The following SYN3 variants were observed in gnomAD, a reference collection of about 807,000 sequenced individuals.
The protein encoded by SYN3 is synapsin-3.
A neutral mutation model predicts 65.8 loss-of-function variants in SYN3; 35 were observed. The observed-to-expected ratio is 0.53, with a 90% confidence interval of 0.41 to 0.70. The LOEUF (loss-of-function observed/expected upper bound fraction) is 0.70, where lower values mean the gene tolerates loss of function less well. Ranked by LOEUF, SYN3 falls within the 30% of genes least tolerant of loss-of-function variation. The pLI is 0.00. For synonymous variants in SYN3, 270 were observed against 292.9 expected (o/e 0.92, Z 0.80); for missense variants, 680 against 749.0 (o/e 0.91, Z 1.08).
At chr22:32,691,306 T>C (rs2060658669) in intron 6 of SYN3, among the ~76,000 whole-genome samples, 1 of 152,124 alleles carries the variant, frequency 6.6e-6, no homozygotes, top group Non-Finnish European at 1.5e-5. Flanking sequence ...ATGCCACCCA[T>C]GAAGACTGAG....
intron 6 of SYN3, among the ~76,000 whole-genome samples, chr22:32,735,997 G>A (rs2061332751): frequency 6.6e-6 from 1 of 152,204 alleles, no homozygotes; most frequent in African/African-American, 2.4e-5. Context: ...GGAGAGGAGG[G>A]GGCCATGCCT....
At chr22:32,865,103 C>A in intron 5 of SYN3, 99 bp from the exon 6 acceptor site, 1 of 972,216 alleles carries the variant, frequency 1.0e-6, no homozygotes, top group Non-Finnish European at 1.6e-6. Flanking sequence ...CTGTTCTGAG[C>A]CGAGCTTCAG....
At chr22:32,857,045 C>T (rs1003623372) in intron 6 of SYN3, among the ~76,000 whole-genome samples, 1 of 152,192 alleles carries the variant, frequency 6.6e-6, no homozygotes, top group Non-Finnish European at 1.5e-5. Context: ...CAGGTTTTGT[C>T]TATCCATTCA....
At chr22:32,614,830 G>A (rs552428910) in intron 6 of SYN3, among the ~76,000 whole-genome samples, 4 of 152,198 alleles carry the variant, frequency 2.6e-5, no homozygotes, top group South Asian at 2.1e-4. Flanking sequence ...CCCCCTCCTC[G>A]GAATCCAGAA....
In SYN3 at chr22:32,978,124, A is replaced by C. The variant is rs2052262316; in HGVS notation, c.369+2521T>G. ...GAAGATCACTCTAGCGTTGGGATGA[A>C]GAATACATTGGAGATGGGTGGAAAA... On this transcript the variant is annotated intron_variant, in intron 3 of 13. Coordinates refer to ENST00000358763, the MANE Select transcript of SYN3 (RefSeq NM_003490.4). 2.0e-5 allele frequency among the ~76,000 whole-genome samples: 3 copies of C among 152,202 alleles called. No homozygotes were observed. In the South Asian group the frequency reaches 6.2e-4, roughly 32 times the overall value.
intron 1 of SYN3, among the ~76,000 whole-genome samples, chr22:33,013,465 T>C (rs151073900): frequency 3.4e-4 from 52 of 152,332 alleles, no homozygotes; most frequent in African/African-American, 1.2e-3. Context: ...TAATTATATA[T>C]ATTTCTGTGA....
chr22:32,764,437 G>A (rs540169238), intron 6 of SYN3, among the ~76,000 whole-genome samples: 22 of 152,302 alleles, frequency 1.4e-4, no homozygotes, highest in Non-Finnish European at 2.8e-4. Context: ...GAGAAAGCAA[G>A]TTTGGAAGAG....
At chr22:32,866,509 T>TG (rs1255304553) in intron 5 of SYN3, among the ~76,000 whole-genome samples, 1 of 152,238 alleles carries the variant, frequency 6.6e-6, no homozygotes, top group Admixed American at 6.5e-5. Flanking sequence ...CACTTTCTAC[T>TG]AGCTATGTGA....
intron 1 of SYN3, among the ~76,000 whole-genome samples, chr22:33,022,715 G>T (rs2053580372): frequency 1.3e-5 from 2 of 152,050 alleles, no homozygotes; most frequent in African/African-American, 4.8e-5. Context: ...GTGGGAGAGG[G>T]TCTCCTCGAA....
chr22:32,881,968 T>C (rs2049152559), intron 4 of SYN3, among the ~76,000 whole-genome samples: 2 of 150,884 alleles, frequency 1.3e-5, no homozygotes, highest in Middle Eastern at 3.4e-3. Flanking sequence ...GGCAGGGGAA[T>C]CACTTGAACC....
At chr22:32,820,643 C>T (rs964633355) in intron 6 of SYN3, among the ~76,000 whole-genome samples, 11 of 152,076 alleles carry the variant, frequency 7.2e-5, no homozygotes, top group South Asian at 2.1e-4. Context: ...GGCAGGGGCC[C>T]GGAGAAAACA....
At chr22:32,894,040 T>C (rs2049522494) in intron 4 of SYN3, among the ~76,000 whole-genome samples, 1 of 152,094 alleles carries the variant, frequency 6.6e-6, no homozygotes, top group Non-Finnish European at 1.5e-5. Flanking sequence ...CTGGATCGAG[T>C]CTTGTTCTAG....
intron 6 of SYN3, among the ~76,000 whole-genome samples, chr22:32,667,794 CTTTCTTTT>C (rs1345118152): frequency 1.4e-5 from 2 of 147,858 alleles, no homozygotes; most frequent in Non-Finnish European, 3.0e-5. Flanking sequence ...TTCTTTCTTT[CTTTCTTTT>C]TTTTTTTTTT....
At chr22:32,830,807 T>C (rs1467324999) in intron 6 of SYN3, among the ~76,000 whole-genome samples, 2 of 152,128 alleles carry the variant, frequency 1.3e-5, no homozygotes, top group African/African-American at 4.8e-5. Flanking sequence ...GCCCCTGGCT[T>C]CTCCCAGTGG....
At chr22:32,650,578 G>T (rs1337372276) in intron 6 of SYN3, among the ~76,000 whole-genome samples, 1 of 151,880 alleles carries the variant, frequency 6.6e-6, no homozygotes, top group African/African-American at 2.4e-5. Context: ...CACTTTTATT[G>T]GTCCTTTCAA....
chr22:32,540,669 C>T (rs535987440), intron 8 of SYN3, among the ~76,000 whole-genome samples: 5 of 152,336 alleles, frequency 3.3e-5, no homozygotes, highest in East Asian at 3.9e-4. Context: ...AGGGTGAAGG[C>T]GGGCTGCTTT....
At chr22:33,051,966 C>G (rs968498853) in intron 1 of SYN3, among the ~76,000 whole-genome samples, 1 of 152,146 alleles carries the variant, frequency 6.6e-6, no homozygotes, top group Non-Finnish European at 1.5e-5. Flanking sequence ...AACACGCTTC[C>G]TTGTAGCTCC....
At chr22:32,712,668 G>A (rs1434730388) in intron 6 of SYN3, among the ~76,000 whole-genome samples, 1 of 152,112 alleles carries the variant, frequency 6.6e-6, no homozygotes, top group East Asian at 1.9e-4. Context: ...TGAAATACCA[G>A]GGCTGGCAGG....
chr22:32,781,007 CTTT>C, intron 6 of SYN3, among the ~76,000 whole-genome samples: 1 of 97,530 alleles, frequency 1.0e-5, no homozygotes, highest in African/African-American at 4.3e-5. Context: ...TCACCCCCTT[CTTT>C]CTTTCTTTCT....
Sources: gnomAD v4.1 joint callset for allele counts (sites outside exome capture counted in the v4.1 genomes callset) on GRCh38, gnomAD v4.1.1 for gene constraint, MANE v1.5 for transcripts, NCBI Gene and HGNC (gene_info 2026-07-23, HGNC 2026-07-21) for gene names.